The following PARP9 variants were observed in gnomAD, a reference collection of about 807,000 sequenced individuals.
PARP9 encodes the protein protein mono-ADP-ribosyltransferase PARP9.
Under a neutral mutation model 68.8 loss-of-function variants are expected in PARP9, and 48 were observed. The ratio of observed to expected loss-of-function variants is 0.70; its 90% CI spans 0.55 to 0.89. The LOEUF (loss-of-function observed/expected upper bound fraction) is 0.89, where lower values mean the gene tolerates loss of function less well. Ranked by LOEUF, PARP9 falls within the 40% of genes least tolerant of loss-of-function variation. The pLI is 0.00. For synonymous variants in PARP9, 309 were observed against 333.8 expected (o/e 0.93, Z 0.81); for missense variants, 806 against 969.3 (o/e 0.83, Z 2.24).
chr3:122,532,594 G>A (rs549946774), intron 10 of PARP9: 12 of 211,966 alleles, frequency 5.7e-5, no homozygotes, highest in Non-Finnish European at 9.8e-5. Context: ...TAAAGGAAAT[G>A]AGTTCTATGC....
intron 1 of PARP9, among the ~76,000 whole-genome samples, chr3:122,563,899 A>C (rs535887322): frequency 6.6e-6 from 1 of 152,106 alleles, no homozygotes. Flanking sequence ...AAATCAAGCA[A>C]TGGAGGAGAA....
intron 1 of PARP9, 89 bp downstream of exon 1, chr3:122,564,156 C>G (rs1178015348): frequency 2.1e-6 from 1 of 476,818 alleles, no homozygotes; most frequent in African/African-American, 2.1e-5. Flanking sequence ...CCCTGGGACC[C>G]GGGTCCGCGC....
At chr3:122,549,664 C>T (rs2079036043) in intron 6 of PARP9, among the ~76,000 whole-genome samples, 1 of 152,040 alleles carries the variant, frequency 6.6e-6, no homozygotes, top group Non-Finnish European at 1.5e-5. Context: ...GCCTGTAGTG[C>T]CTGCTACTCA....
At chr3:122,552,396 G>T (rs1205569158) in intron 5 of PARP9, 22 bp downstream of exon 5, 2 of 1,539,320 alleles carry the variant, frequency 1.3e-6, no homozygotes, top group Non-Finnish European at 1.8e-6. Flanking sequence ...GCTAAATAAA[G>T]CCACATTTAT....
intron 10 of PARP9, among the ~76,000 whole-genome samples, chr3:122,529,586 TA>T (rs1161426519): frequency 6.6e-6 from 1 of 150,390 alleles, no homozygotes. Context: ...CCGTCTCTAC[TA>T]AAAAAAATAC....
chr3:122,547,269 A>G (rs2107658459), intron 6 of PARP9, among the ~76,000 whole-genome samples: 1 of 150,844 alleles, frequency 6.6e-6, no homozygotes. Context: ...TAAGTTTTGT[A>G]TTTTTAGTAG....
chr3:122,564,699 G>A (rs1349927504), upstream of PARP9: 2 of 1,453,686 alleles, frequency 1.4e-6, no homozygotes, highest in East Asian at 2.5e-5. Context: ...GCTGACCTAG[G>A]GGAGAGGGCG....
intron 5 of PARP9, among the ~76,000 whole-genome samples, chr3:122,551,462 G>A (rs754951724): frequency 6.6e-6 from 1 of 152,010 alleles, no homozygotes; most frequent in Non-Finnish European, 1.5e-5. Context: ...CCATCTGAGT[G>A]GGTTCCTCCT....
At chr3:122,533,687 T>C in intron 10 of PARP9, 1 of 985,368 alleles carries the variant, frequency 1.0e-6, no homozygotes, top group Non-Finnish European at 1.2e-6. Context: ...GTGGAACAAA[T>C]GAATCAACCC....
intron 1 of PARP9, 143 bp downstream of exon 1, chr3:122,564,102 G>A (rs1237130187): frequency 3.0e-6 from 1 of 336,420 alleles, no homozygotes; most frequent in African/African-American, 2.1e-5. Context: ...AAACACAGGA[G>A]AAACTTACTT....
In PARP9 at chr3:122,540,791, G is replaced by T; in HGVS notation, c.1446C>A (p.Ile482=). The change falls in exon 8 of 11, where the codon ATC becomes ATA. Residue 482 remains isoleucine, a synonymous_variant. Transcript: ENST00000682323. ...ENGLEARSPA[I]NLMGFNVEEM... is the part of the protein sequence containing the mutation. ...CTTCCACGTTGAATCCCATCAGATT[G>T]ATGGCAGGAGATCTAGCTTCAAGCC... The T allele has an allele frequency of 6.2e-7, 1 of 1,614,080 alleles. No individual in the cohort carries two copies. Among genetic ancestry groups the T allele is most frequent in the African/African-American group, 1.3e-5 (1 of 75,012 alleles).
intron 10 of PARP9, among the ~76,000 whole-genome samples, chr3:122,529,749 G>A (rs1180005781): frequency 4.6e-5 from 6 of 131,826 alleles, no homozygotes; most frequent in South Asian, 4.7e-4. Context: ...GCGAGACTCC[G>A]TCCCAAAAAA....
At position 122,555,509 on chromosome 3, in the gene PARP9, A is replaced by G. The variant is rs2079562786; in HGVS notation, c.662T>C (p.Val221Ala). The change falls in exon 4 of 11, where the codon GTA becomes GCA. Residue 221 changes from valine (V) to alanine (A), a missense_variant. Physicochemically the swap from Val to Ala is moderately conservative, Grantham distance 64. Around this residue, in one of 2 missense-constraint regions of PARP9, gnomAD observed 680 missense variants for 858.8 expected, o/e 0.79. Coordinates refer to ENST00000682323, the MANE Select transcript of PARP9 (RefSeq NM_001146105.2). ...TTGCAAACTAACCCGGATAGTCTCT[A>G]CAATAGTCTTTGTACACAAATTCAG... ...FPLNLCTKTI[V>A]ETIRVSLQGK... 8.7e-6 allele frequency: 14 copies of G among 1,614,176 alleles called. No individual in the cohort carries two copies. Among genetic ancestry groups the G allele is most frequent in the East Asian group, 2.2e-5 (1 of 44,880 alleles).
At chr3:122,534,325 C>A (rs1171920257) in intron 10 of PARP9, 1 of 984,730 alleles carries the variant, frequency 1.0e-6, no homozygotes, top group African/African-American at 1.7e-5. Flanking sequence ...CCCTGATAGG[C>A]AATGAACCTG....
At chr3:122,535,921 C>T (rs1037866050) in intron 10 of PARP9, 17 of 1,397,208 alleles carry the variant, frequency 1.2e-5, no homozygotes, top group Non-Finnish European at 1.5e-5. Flanking sequence ...AACAGTGAAC[C>T]GTAGTTCTTA....
chr3:122,534,359 A>G (rs1007850485), intron 10 of PARP9: 6 of 985,328 alleles, frequency 6.1e-6, no homozygotes, highest in Non-Finnish European at 7.2e-6. Flanking sequence ...GCCACAATAT[A>G]TAAGGAAGAT....
intron 6 of PARP9, 103 bp from the exon 7 acceptor site, chr3:122,545,592 G>A: frequency 9.3e-7 from 1 of 1,075,796 alleles, no homozygotes; most frequent in Non-Finnish European, 1.4e-6. Context: ...CATCCACTCT[G>A]TCAGTCCCAT....
chr3:122,540,754 C>T lies in PARP9; in HGVS notation c.1483G>A (p.Ala495Thr), dbSNP rs749727445. The T allele has an allele frequency of 1.2e-5, 20 of 1,614,096 alleles. No individual in the cohort carries two copies. Among genetic ancestry groups the T allele is most frequent in the Non-Finnish European group, 1.6e-5 (19 of 1,179,986 alleles). The change falls in exon 8 of 11, where the codon GCC (alanine) becomes ACC (threonine). Residue 495 changes from alanine to threonine, a missense_variant. By Grantham distance (58) the Ala-to-Thr change is moderately conservative. Transcript: ENST00000682323. ...MGFNVEEMYE[A>T]HAWIQRILSL... The stretch of plus-strand genomic sequence containing the variant: ...AGGATTCTTTGGATCCATGCGTGGG[C>T]CTCATACATCTCTTCCACGTTGAAT...
chr3:122,561,105 T>G lies in PARP9; in HGVS notation c.-89-1396A>C, dbSNP rs147736750. 5.9e-5 allele frequency among the ~76,000 whole-genome samples: 9 copies of G among 152,334 alleles called. No individual in the cohort carries two copies. In the East Asian group the frequency reaches 1.7e-3, roughly 29 times the overall value. On this transcript the variant is annotated intron_variant, in intron 1 of 10. Coordinates refer to ENST00000682323, the MANE Select transcript of PARP9 (RefSeq NM_001146105.2). The stretch of plus-strand genomic sequence containing the variant: ...GAATGAGTAGTGGACTCTCCTTCTG[T>G]CCACCTGCCCACTCAGCCTACTATA...
Sources: allele counts gnomAD v4.1 joint callset (sites outside exome capture counted in the v4.1 genomes callset), GRCh38; gene constraint gnomAD v4.1.1; regional missense constraint gnomAD v4.1.1; transcripts MANE v1.5; gene names NCBI Gene and HGNC (gene_info 2026-07-23, HGNC 2026-07-21).